Variants in ZNF382 observed in about 807,000 individuals in gnomAD.
ZNF382 encodes the protein KRAB/zinc finger suppressor protein 1.
ZNF382 carries 20 observed loss-of-function variants against 38.8 expected under a neutral mutation model. That is an observed-to-expected ratio of 0.51 (90% CI 0.36 to 0.75). The LOEUF (loss-of-function observed/expected upper bound fraction) is 0.75, where lower values mean the gene tolerates loss of function less well. ZNF382 is among the 30% of genes least tolerant of loss of function. The pLI, the probability that ZNF382 is intolerant of heterozygous loss-of-function variation, is 0.00. For missense variants in ZNF382, 546 were observed against 654.1 expected (o/e 0.83, Z 1.80); for synonymous variants, 202 against 223.1 (o/e 0.91, Z 0.84).
rs117701195 is a variant in ZNF382, at chr19:36,633,101, C to T, written c.*5551C>T. On this transcript the variant is annotated 3_prime_UTR_variant, in exon 5 of 5. Coordinates refer to ENST00000292928, the MANE Select transcript of ZNF382 (RefSeq NM_032825.5). Reference sequence around the variant, plus strand: ...GTCGCCCAGGCTGGAGGCAGTGGCTCGATCTTGGCTCACTGTAAGCTCCGC... The same window carrying T: ...GTCGCCCAGGCTGGAGGCAGTGGCTTGATCTTGGCTCACTGTAAGCTCCGC... The T allele has an allele frequency of 0.017, 2,632 of 151,214 alleles. 30 individuals carry two copies. The highest frequency in any genetic ancestry group is 0.028 in the Non-Finnish European group (1,884 of 67,958). The allele number at this position is 151,214 out of a possible 1,614,324, so 9.4% of individuals were successfully genotyped here.
chr19:36,612,556 A>C (rs2037086457), intron 4 of ZNF382, among the ~76,000 whole-genome samples: 1 of 152,206 alleles, frequency 6.6e-6, no homozygotes, highest in Non-Finnish European at 1.5e-5. Flanking sequence ...AGTAGCTAAA[A>C]CTACTATACC....
At chr19:36,620,004 T>TA (rs1245212443) in intron 4 of ZNF382, among the ~76,000 whole-genome samples, 10 of 152,176 alleles carry the variant, frequency 6.6e-5, no homozygotes, top group African/African-American at 2.2e-4. Context: ...GTGCTGGGAT[T>TA]ACAGGAGTGA....
At chr19:36,614,448 GT>G (rs1420779855) in intron 4 of ZNF382, among the ~76,000 whole-genome samples, 1 of 152,124 alleles carries the variant, frequency 6.6e-6, no homozygotes, top group African/African-American at 2.4e-5. Flanking sequence ...AACGTGCTAG[GT>G]TTTTTATTAG....
Position 36,626,295 on chromosome 19 carries a change from T to C in ZNF382, c.398T>C (p.Leu133Pro), listed in dbSNP as rs2037212258. Residue 133 changes from leucine to proline, a missense_variant, in exon 5 of 5, where the codon CTA becomes CCA. Physicochemically the swap from Leu to Pro is moderately conservative, Grantham distance 98. Transcript: ENST00000292928. The part of the protein sequence containing the change: ...LGKNRISKTI[L>P]CEYKPDGKVL... ...AAGAACCGTATTTCAAAAACAATAC[T>C]ATGTGAATATAAACCTGATGGAAAA... 1 of 1,598,316 alleles carries C rather than the reference T, an allele frequency of 6.3e-7. No individual in the cohort carries two copies. Among genetic ancestry groups the C allele is most frequent in the East Asian group, 2.2e-5 (1 of 44,778 alleles).
intron 3 of ZNF382, 25 bp from the exon 4 acceptor site, chr19:36,610,625 C>T: frequency 6.3e-7 from 1 of 1,593,894 alleles, no homozygotes; most frequent in Non-Finnish European, 8.6e-7. Context: ...CAGCTTAGAC[C>T]AAAAGTCTCA....
chr19:36,610,052 G>A lies in ZNF382; in HGVS notation c.138G>A (p.Val46=). Residue 46 remains valine, a splice_region_variant and synonymous_variant, in exon 3 of 5, where the codon GTG becomes GTA. Coordinates refer to ENST00000292928, the MANE Select transcript of ZNF382 (RefSeq NM_032825.5). The stretch of plus-strand genomic sequence containing the variant: ...AAAACTATTGCCACTTCGTATCTGT[G>A]GGTAAGAAACACTCCTGAATCTTTC... ...MLENYCHFVS[V]GFHMAKPDMI... is the part of the protein sequence containing the mutation. 6.2e-7 allele frequency: 1 copy of A among 1,613,586 alleles called. No homozygotes were observed.
chr19:36,623,915 C>A (rs373693245), intron 4 of ZNF382, among the ~76,000 whole-genome samples: 1 of 151,772 alleles, frequency 6.6e-6, no homozygotes, highest in Non-Finnish European at 1.5e-5. Context: ...ATAGTGAAAC[C>A]CTGTCTCTAC....
chr19:36,613,996 T>C (rs1335117731), intron 4 of ZNF382, among the ~76,000 whole-genome samples: 6 of 152,186 alleles, frequency 3.9e-5, no homozygotes, highest in Non-Finnish European at 8.8e-5. Context: ...TGTAACTTTA[T>C]AATAAGTCTG....
At chr19:36,619,007 CAG>C (rs2037147878) in intron 4 of ZNF382, among the ~76,000 whole-genome samples, 2 of 152,184 alleles carry the variant, frequency 1.3e-5, no homozygotes, top group Non-Finnish European at 2.9e-5. Context: ...GCATAGGTAA[CAG>C]AGCAAGATTC....
chr19:36,614,310 A>C (rs1260466642), intron 4 of ZNF382, among the ~76,000 whole-genome samples: 1 of 152,192 alleles, frequency 6.6e-6, no homozygotes. Flanking sequence ...ATTGCACTCC[A>C]GCCTGGGCAA....
chr19:36,613,959 T>C (rs1005544693), intron 4 of ZNF382, among the ~76,000 whole-genome samples: 5 of 152,222 alleles, frequency 3.3e-5, no homozygotes, highest in African/African-American at 4.8e-5. Flanking sequence ...TAAGTCACAT[T>C]GACAATACCA....
intron 4 of ZNF382, among the ~76,000 whole-genome samples, chr19:36,623,489 A>G (rs1453497902): frequency 6.6e-6 from 1 of 152,094 alleles, no homozygotes; most frequent in Non-Finnish European, 1.5e-5. Flanking sequence ...TGAAAGGTAG[A>G]AAAACTATGT....
At chr19:36,609,666 C>T (rs2037061446) in intron 2 of ZNF382, 2 of 344,498 alleles carry the variant, frequency 5.8e-6, no homozygotes, top group Non-Finnish European at 1.0e-5. Flanking sequence ...TATAACTTCT[C>T]ATGAGCAGGG....
At chr19:36,610,826 T>C (rs1428174700) in intron 4 of ZNF382, 84 bp downstream of exon 4, 8 of 1,066,702 alleles carry the variant, frequency 7.5e-6, no homozygotes, top group Non-Finnish European at 1.1e-5. Context: ...ATTTTTGTTA[T>C]TGTGGTAAAA....
chr19:36,605,633 G>A (rs2037013784), intron 1 of ZNF382: 1 of 152,248 alleles, frequency 6.6e-6, no homozygotes, highest in Non-Finnish European at 1.5e-5. Flanking sequence ...CGCCATCGCT[G>A]GCGGCGGGTC....
chr19:36,616,909 A>G (rs368629639), intron 4 of ZNF382, among the ~76,000 whole-genome samples: 18 of 152,080 alleles, frequency 1.2e-4, no homozygotes, highest in East Asian at 9.7e-4. Flanking sequence ...AGCAGGGTGG[A>G]CAGAGGGATG....
chr19:36,622,024 A>ATTT (rs11379806), intron 4 of ZNF382, among the ~76,000 whole-genome samples: 3 of 145,560 alleles, frequency 2.1e-5, no homozygotes, highest in Non-Finnish European at 3.0e-5. Flanking sequence ...AGGTTCGATA[A>ATTT]TTTTTTTTTT....
chr19:36,619,979 C>T (rs1310897976), intron 4 of ZNF382, among the ~76,000 whole-genome samples: 3 of 152,144 alleles, frequency 2.0e-5, no homozygotes, highest in Non-Finnish European at 4.4e-5. Context: ...GATCTGCCCG[C>T]CCCGGCCTCC....
chr19:36,613,511 C>T (rs551285895), intron 4 of ZNF382, among the ~76,000 whole-genome samples: 5 of 150,910 alleles, frequency 3.3e-5, no homozygotes, highest in Admixed American at 2.0e-4. Context: ...GCAACCTCCG[C>T]TTCCCTGCAA....
Sources: allele counts gnomAD v4.1 joint callset (sites outside exome capture counted in the v4.1 genomes callset), GRCh38; gene constraint gnomAD v4.1.1; transcripts MANE v1.5; gene names NCBI Gene and HGNC (gene_info 2026-07-23, HGNC 2026-07-21).